CTNNA3: variants seen among roughly 807,000 people sequenced by gnomAD.
CTNNA3 encodes catenin alpha-3.
CTNNA3 carries 76 observed loss-of-function variants against 95.7 expected under a neutral mutation model. That is an observed-to-expected ratio of 0.79 (90% CI 0.66 to 0.96). CTNNA3 has a LOEUF of 0.96. Among genes scored for constraint, CTNNA3 ranks in the 40% least tolerant of loss-of-function variants. The probability of loss-of-function intolerance (pLI) is 0.00; values close to 1 mark genes in which losing one functional copy is unlikely to be tolerated. For missense variants in CTNNA3, 1,191 were observed against 1,089.8 expected, an observed-to-expected ratio of 1.09 and a Z score of -1.31; for synonymous variants, 431 against 374.4, an observed-to-expected ratio of 1.15 and a Z score of -1.74.
intron 3 of CTNNA3, among the ~76,000 whole-genome samples, chr10:67,579,580 C>A (rs949278190): frequency 1.6e-4 from 24 of 152,158 alleles, no homozygotes; most frequent in Non-Finnish European, 3.1e-4. Flanking sequence ...GTAATGGGGT[C>A]ACTGGGTCAA....
intron 14 of CTNNA3, among the ~76,000 whole-genome samples, chr10:66,100,314 G>A (rs955823000): frequency 6.6e-6 from 1 of 152,142 alleles, no homozygotes; most frequent in Non-Finnish European, 1.5e-5. Flanking sequence ...CCTCATATAA[G>A]GTTGTATATG....
intron 13 of CTNNA3, among the ~76,000 whole-genome samples, chr10:66,278,464 A>G (rs1057060450): frequency 1.3e-5 from 2 of 152,018 alleles, no homozygotes; most frequent in East Asian, 1.9e-4. Flanking sequence ...TTTATCTTGA[A>G]AAAGAGATGA....
intron 7 of CTNNA3, among the ~76,000 whole-genome samples, chr10:66,782,440 C>T (rs930162862): frequency 6.6e-6 from 1 of 152,092 alleles, no homozygotes. Flanking sequence ...ATCTGAGACT[C>T]AGCTCAATTG....
At chr10:67,275,695 T>C (rs568637599) in intron 5 of CTNNA3, among the ~76,000 whole-genome samples, 1 of 152,294 alleles carries the variant, frequency 6.6e-6, no homozygotes, top group Admixed American at 6.5e-5. Context: ...CCCATTGGTG[T>C]TTACATTGCT....
chr10:66,043,134 GAAAAAAA>G (rs60278132), intron 15 of CTNNA3, among the ~76,000 whole-genome samples: 2 of 102,930 alleles, frequency 1.9e-5, no homozygotes, highest in East Asian at 2.8e-4. Flanking sequence ...TCCGGGTAAT[GAAAAAAA>G]AAAAAAAAAA....
At chr10:66,112,424 C>T (rs1306349510) in intron 13 of CTNNA3, among the ~76,000 whole-genome samples, 1 of 152,066 alleles carries the variant, frequency 6.6e-6, no homozygotes, top group Non-Finnish European at 1.5e-5. Flanking sequence ...GAACCATTAG[C>T]ATCCCTCTAT....
At chr10:66,256,201 C>T (rs965557231) in intron 13 of CTNNA3, among the ~76,000 whole-genome samples, 1 of 152,094 alleles carries the variant, frequency 6.6e-6, no homozygotes, top group African/African-American at 2.4e-5. Context: ...ATCTGAGAAT[C>T]CTGCCCTTTT....
chr10:67,201,000 G>T (rs569304728), intron 6 of CTNNA3, among the ~76,000 whole-genome samples: 2 of 152,072 alleles, frequency 1.3e-5, no homozygotes, highest in South Asian at 4.1e-4. Flanking sequence ...TCTGTCTCTG[G>T]GTCACTCATC....
chr10:67,654,926 A>T (rs927714794), intron 1 of CTNNA3, among the ~76,000 whole-genome samples: 1 of 152,216 alleles, frequency 6.6e-6, no homozygotes, highest in Non-Finnish European at 1.5e-5. Flanking sequence ...AATTCCATTC[A>T]TGAGTAAATA....
In CTNNA3 at chr10:67,606,847, G is replaced by T; in HGVS notation, c.292+10C>A. On this transcript the variant is annotated intron_variant, in intron 3 of 17. Transcript: ENST00000433211. The stretch of plus-strand genomic sequence containing the variant: ...TGCAGTTTGCTCCTGACCAGGATTG[G>T]AGTACTCACTTTCTTTGCGAACTTC... 1 of 1,606,454 alleles carries T rather than the reference G, an allele frequency of 6.2e-7. No homozygotes were observed. The highest frequency in any genetic ancestry group is 8.5e-7 in the Non-Finnish European group (1 of 1,174,160).
At chr10:67,082,599 T>G (rs1857107232) in intron 7 of CTNNA3, among the ~76,000 whole-genome samples, 1 of 152,112 alleles carries the variant, frequency 6.6e-6, no homozygotes, top group Non-Finnish European at 1.5e-5. Context: ...AGCACTAAGG[T>G]CTTTGAATAA....
chr10:66,339,527 AAGAT>A (rs2092431415), intron 12 of CTNNA3, among the ~76,000 whole-genome samples: 1 of 151,944 alleles, frequency 6.6e-6, no homozygotes, highest in Admixed American at 6.6e-5. Flanking sequence ...CTAAAATAAA[AAGAT>A]AGATAAAGAC....
intron 5 of CTNNA3, among the ~76,000 whole-genome samples, chr10:67,247,180 G>A (rs773640901): frequency 3.9e-5 from 6 of 152,038 alleles, no homozygotes; most frequent in Non-Finnish European, 5.9e-5. Flanking sequence ...GAAATAAAAG[G>A]CATACAGATT....
intron 3 of CTNNA3, among the ~76,000 whole-genome samples, chr10:67,580,010 T>C (rs1842324122): frequency 6.6e-6 from 1 of 152,240 alleles, no homozygotes; most frequent in Non-Finnish European, 1.5e-5. Flanking sequence ...AGGTTGCCTG[T>C]TCACTCTGAT....
chr10:66,228,618 G>T (rs575262276), intron 13 of CTNNA3, among the ~76,000 whole-genome samples: 8 of 152,132 alleles, frequency 5.3e-5, no homozygotes, highest in African/African-American at 1.9e-4. Flanking sequence ...ACTTGTAGTT[G>T]TTGCATCAAA....
At chr10:66,542,513 G>C (rs1481003568) in intron 10 of CTNNA3, among the ~76,000 whole-genome samples, 1 of 152,002 alleles carries the variant, frequency 6.6e-6, no homozygotes, top group Admixed American at 6.5e-5. Flanking sequence ...TGATAGACTG[G>C]ATTAAGAAAA....
intron 5 of CTNNA3, among the ~76,000 whole-genome samples, chr10:67,484,823 C>T (rs1188396942): frequency 6.6e-6 from 1 of 152,062 alleles, no homozygotes; most frequent in Non-Finnish European, 1.5e-5. Flanking sequence ...ACAACAGATG[C>T]TGGCAAGGCT....
intron 9 of CTNNA3, among the ~76,000 whole-genome samples, chr10:66,648,641 C>T (rs934675925): frequency 1.3e-4 from 19 of 151,744 alleles, no homozygotes; most frequent in African/African-American, 3.4e-4. Flanking sequence ...ATTCTAGCTA[C>T]ATACAAGAAA....
intron 13 of CTNNA3, among the ~76,000 whole-genome samples, chr10:66,122,303 T>C (rs2082617263): frequency 6.6e-6 from 1 of 151,650 alleles, no homozygotes; most frequent in African/African-American, 2.4e-5. Flanking sequence ...CAAATTGAAA[T>C]GTGAAGAGAA....
Sources: gnomAD v4.1 joint callset for allele counts (sites outside exome capture counted in the v4.1 genomes callset) on GRCh38, gnomAD v4.1.1 for gene constraint, MANE v1.5 for transcripts, NCBI Gene and HGNC (gene_info 2026-07-23, HGNC 2026-07-21) for gene names.